Variants in CPQ observed in about 807,000 individuals in gnomAD.
CPQ encodes Ser-Met dipeptidase.
CPQ carries 37 observed loss-of-function variants against 45.7 expected under a neutral mutation model. The observed-to-expected ratio is 0.81, with a 90% CI of 0.62 to 1.07. The LOEUF (loss-of-function observed/expected upper bound fraction) is 1.07, where lower values mean the gene tolerates loss of function less well. Ranked by LOEUF, CPQ falls within the 50% of genes least tolerant of loss-of-function variation. The probability of loss-of-function intolerance (pLI) is 0.00; values close to 1 mark genes in which losing one functional copy is unlikely to be tolerated. For synonymous variants in CPQ, 186 were observed against 205.8 expected (o/e 0.90, Z 0.82); for missense variants, 537 against 572.9 (o/e 0.94, Z 0.64).
chr8:96,777,766 T>C (rs1428593188), intron 1 of CPQ, among the ~76,000 whole-genome samples: 1 of 30,666 alleles, frequency 3.3e-5, no homozygotes, highest in Non-Finnish European at 6.7e-5. Flanking sequence ...ATATATTTTT[T>C]TTTTTTTTTT....
chr8:96,837,370 A>T (rs1246725391), intron 3 of CPQ, among the ~76,000 whole-genome samples: 1 of 152,180 alleles, frequency 6.6e-6, no homozygotes, highest in Non-Finnish European at 1.5e-5. Context: ...ATAACTGCCT[A>T]CGTGTCAAAT....
In CPQ at chr8:96,990,541, C is replaced by T. The variant is rs1029052880; in HGVS notation, c.961+24495C>T. Among the ~76,000 whole-genome samples the T allele has an allele frequency of 3.3e-5, 5 of 152,194 alleles. No individual in the cohort carries two copies. In the South Asian group the frequency reaches 6.2e-4, roughly 19 times the overall value. The stretch of plus-strand genomic sequence containing the variant: ...TGCCTAGGCACACAGAACTCAAATG[C>T]AGTTATTTGGGTTTTCCTCTAACTT... On this transcript the variant is annotated intron_variant, in intron 5 of 7. Coordinates refer to ENST00000220763, the MANE Select transcript of CPQ (RefSeq NM_016134.4).
intron 5 of CPQ, among the ~76,000 whole-genome samples, chr8:97,003,767 G>A (rs10090493): frequency 2.1e-4 from 32 of 152,156 alleles, no homozygotes; most frequent in Admixed American, 1.9e-3. Flanking sequence ...ACCAAGGAAG[G>A]GGGGATAATT....
At chr8:97,044,150 T>G (rs1442290450) in intron 6 of CPQ, among the ~76,000 whole-genome samples, 3 of 152,356 alleles carry the variant, frequency 2.0e-5, no homozygotes, top group Non-Finnish European at 2.9e-5. Context: ...TCTTTTCACA[T>G]AGTCCCCTAT....
intron 4 of CPQ, among the ~76,000 whole-genome samples, chr8:96,919,767 G>T (rs1405106000): frequency 6.6e-6 from 1 of 152,128 alleles, no homozygotes; most frequent in Non-Finnish European, 1.5e-5. Context: ...TTTCTGTGCA[G>T]ATTTGCTGTG....
chr8:96,752,651 C>A (rs1033672094), intron 1 of CPQ, among the ~76,000 whole-genome samples: 5 of 152,162 alleles, frequency 3.3e-5, no homozygotes, highest in African/African-American at 1.2e-4. Flanking sequence ...CTGGCCAGAA[C>A]TTCCAACACT....
intron 2 of CPQ, among the ~76,000 whole-genome samples, chr8:96,834,386 T>C (rs1811497819): frequency 6.6e-6 from 1 of 152,222 alleles, no homozygotes; most frequent in South Asian, 2.1e-4. Context: ...TCTTTAAGAA[T>C]GTTTCTATGC....
At chr8:96,905,359 T>C (rs1042196497) in intron 4 of CPQ, among the ~76,000 whole-genome samples, 3 of 152,138 alleles carry the variant, frequency 2.0e-5, no homozygotes, top group Non-Finnish European at 4.4e-5. Context: ...AGCCACACCA[T>C]ATCAGACCCA....
chr8:96,647,890 C>A (rs555795106), intron 1 of CPQ, among the ~76,000 whole-genome samples: 1 of 152,282 alleles, frequency 6.6e-6, no homozygotes, highest in South Asian at 2.1e-4. Context: ...CAGTGAATGG[C>A]ACTTAAGGGC....
intron 7 of CPQ, among the ~76,000 whole-genome samples, chr8:97,139,010 T>TAAAAATTCAACC (rs1812109459): frequency 6.6e-6 from 1 of 151,842 alleles, no homozygotes; most frequent in South Asian, 2.1e-4. Context: ...AAAATTCAAC[T>TAAAAATTCAACC]CTAAACTATT....
intron 7 of CPQ, among the ~76,000 whole-genome samples, chr8:97,141,515 G>A (rs1812163567): frequency 6.6e-6 from 1 of 152,152 alleles, no homozygotes; most frequent in Non-Finnish European, 1.5e-5. Context: ...ACAAAAATTA[G>A]TTTGACAATA....
intron 6 of CPQ, among the ~76,000 whole-genome samples, chr8:97,058,672 G>C (rs1294128347): frequency 6.6e-6 from 1 of 152,134 alleles, no homozygotes; most frequent in Non-Finnish European, 1.5e-5. Context: ...TACAAACCCA[G>C]CTATGTTGGC....
At chr8:96,663,600 C>T (rs1224957677) in intron 1 of CPQ, among the ~76,000 whole-genome samples, 3 of 152,206 alleles carry the variant, frequency 2.0e-5, no homozygotes, top group Admixed American at 1.3e-4. Context: ...TTCTTTTGCA[C>T]AGTTGTAAAC....
intron 1 of CPQ, 29 bp from the exon 2 acceptor site, chr8:96,784,835 C>A: frequency 6.7e-7 from 1 of 1,490,264 alleles, no homozygotes; most frequent in Non-Finnish European, 9.1e-7. Context: ...TTCTTTTCCC[C>A]TAAAACATAA....
intron 1 of CPQ, among the ~76,000 whole-genome samples, chr8:96,735,099 A>G (rs1394337165): frequency 1.3e-5 from 2 of 152,080 alleles, no homozygotes; most frequent in African/African-American, 4.8e-5. Flanking sequence ...ATGTTTTTAT[A>G]TCAAACAGGA....
chr8:97,045,835 C>T (rs547430333), intron 6 of CPQ, among the ~76,000 whole-genome samples: 7 of 152,250 alleles, frequency 4.6e-5, no homozygotes, highest in African/African-American at 9.6e-5. Flanking sequence ...GAGGAGTGCA[C>T]GAGCAGAAGT....
intron 4 of CPQ, among the ~76,000 whole-genome samples, chr8:96,953,871 T>A (rs191024977): frequency 1.3e-5 from 2 of 152,292 alleles, no homozygotes; most frequent in Admixed American, 1.3e-4. Context: ...CCCACTGAAT[T>A]ATCTTGTCAG....
At chr8:97,076,118 C>T (rs753081222) in intron 7 of CPQ, among the ~76,000 whole-genome samples, 146 of 152,126 alleles carry the variant, frequency 9.6e-4, no homozygotes, top group Non-Finnish European at 1.7e-3. Context: ...CTCCGCCTCC[C>T]GGGTTCAAGT....
intron 7 of CPQ, among the ~76,000 whole-genome samples, chr8:97,122,002 A>T (rs1039959649): frequency 6.6e-6 from 1 of 152,148 alleles, no homozygotes; most frequent in African/African-American, 2.4e-5. Context: ...TAAAAATAAG[A>T]ACAGAGTCTC....
Sources: allele counts gnomAD v4.1 joint callset (sites outside exome capture counted in the v4.1 genomes callset), GRCh38; gene constraint gnomAD v4.1.1; transcripts MANE v1.5; gene names NCBI Gene and HGNC (gene_info 2026-07-23, HGNC 2026-07-21).